Variants in SYNE2 observed in about 807,000 individuals in gnomAD.
SYNE2 encodes the protein spectrin repeat containing nuclear envelope protein 2, also known as nesprin-2.
In SYNE2, 431 loss-of-function variants were observed where a neutral mutation model predicts 856.3. That is an observed-to-expected ratio of 0.50 (90% CI 0.47 to 0.55). SYNE2 has a LOEUF of 0.55. Among genes scored for constraint, SYNE2 ranks in the 20% least tolerant of loss-of-function variants. The probability of loss-of-function intolerance (pLI) is 0.00; values close to 1 mark genes in which losing one functional copy is unlikely to be tolerated. For missense variants in SYNE2, 8,129 were observed against 8,023.2 expected (o/e 1.01, Z -0.50); for synonymous variants, 2,923 against 2,872.3 (o/e 1.02, Z -0.56).
intron 1 of SYNE2, among the ~76,000 whole-genome samples, chr14:63,786,145 G>A (rs534497808): frequency 1.3e-5 from 2 of 152,186 alleles, no homozygotes; most frequent in Admixed American, 6.5e-5. Flanking sequence ...AGCTACTAGG[G>A]AGGCTGAGGC....
chr14:64,077,114 C>T (rs558365229), intron 54 of SYNE2, among the ~76,000 whole-genome samples: 5 of 152,060 alleles, frequency 3.3e-5, no homozygotes, highest in East Asian at 1.9e-4. Flanking sequence ...AGAAAATTTC[C>T]GCTATGACCC....
At chr14:64,030,315 C>G (rs1006036388) in intron 44 of SYNE2, among the ~76,000 whole-genome samples, 4 of 152,180 alleles carry the variant, frequency 2.6e-5, no homozygotes, top group African/African-American at 9.7e-5. Flanking sequence ...CTTGAAAGGC[C>G]TGTATGTTAC....
At chr14:64,189,528 C>G (rs1171801006) in intron 98 of SYNE2, among the ~76,000 whole-genome samples, 1 of 152,188 alleles carries the variant, frequency 6.6e-6, no homozygotes, top group Non-Finnish European at 1.5e-5. Flanking sequence ...CAGTTGTCCT[C>G]AGCTCCCACG....
intron 99 of SYNE2, among the ~76,000 whole-genome samples, chr14:64,195,811 G>C (rs2098538392): frequency 6.6e-6 from 1 of 152,148 alleles, no homozygotes; most frequent in Non-Finnish European, 1.5e-5. Context: ...GACTTGCGTT[G>C]GTCTTAGCAG....
Position 64,025,211 on chromosome 14 carries a change from A to G in SYNE2, c.6042A>G (p.Glu2014=). Residue 2014 remains glutamate (E), a synonymous_variant, in exon 41 of 116, where the codon GAA becomes GAG. Coordinates refer to ENST00000555002, the MANE Select transcript of SYNE2 (RefSeq NM_182914.3). ...CTGAAGAAGAAGAAATAATAATGGA[A>G]GCAACATGTTTGATGGATAGATACC... ...GFTEEEEIIM[E]ATCLMDRYQT... is the part of the protein sequence containing the mutation. The G allele has an allele frequency of 6.2e-7, 1 of 1,614,132 alleles. No individual in the cohort carries two copies. Among genetic ancestry groups the G allele is most frequent in the Non-Finnish European group, 8.5e-7 (1 of 1,179,982 alleles).
At chr14:63,827,625 C>CAAAAAAAAAAAAAAAACAAAAAA (rs1889487947) in intron 1 of SYNE2, among the ~76,000 whole-genome samples, 1 of 28,398 alleles carries the variant, frequency 3.5e-5, no homozygotes, top group Non-Finnish European at 6.3e-5. Context: ...AACTCTGTCT[C>CAAAAAAAAAAAAAAAACAAAAAA]AAAAAAAAAA....
intron 1 of SYNE2, among the ~76,000 whole-genome samples, chr14:63,900,662 G>T (rs1288667725): frequency 1.3e-5 from 2 of 152,172 alleles, no homozygotes; most frequent in African/African-American, 4.8e-5. Flanking sequence ...CATTTGTGTG[G>T]TGTCATTAGA....
intron 65 of SYNE2, among the ~76,000 whole-genome samples, chr14:64,107,914 A>G (rs141478849): frequency 2.4e-3 from 367 of 152,350 alleles, no homozygotes; most frequent in African/African-American, 8.4e-3. Context: ...GGGCAAAGAA[A>G]GTAGAGAAGG....
chr14:63,952,385 C>CCATTACTTTTAATTACTTAAAAGTAATTG (rs1382322989), intron 7 of SYNE2, among the ~76,000 whole-genome samples: 5 of 152,300 alleles, frequency 3.3e-5, no homozygotes, highest in East Asian at 1.9e-4. Context: ...GCAGCTTTTG[C>CCATTACTTTTAATTACTTAAAAGTAATTG]CATTACTTTT....
At position 64,017,701 on chromosome 14, in the gene SYNE2, C is replaced by T. The variant is rs200143024; in HGVS notation, c.4994C>T (p.Ala1665Val). 4.0e-4 allele frequency: 639 copies of T among 1,613,430 alleles called. No individual in the cohort carries two copies. The highest frequency in any genetic ancestry group is 4.8e-4 in the Non-Finnish European group (564 of 1,179,762). ...KNVIDEWTEK[A>V]LQKMELHQLT... ...GTCATTGATGAGTGGACAGAAAAGG[C>T]CCTTCAAAAAATGGAATTACATCAA... Residue 1665 changes from alanine to valine, a missense_variant, in exon 34 of 116, where the codon GCC (alanine) becomes GTC (valine). Ala to Val is a moderately conservative substitution (Grantham distance 64). Around this residue, in one of 3 missense-constraint regions of SYNE2, gnomAD observed 2,422 missense variants for 2,357.4 expected, o/e 1.03. Transcript: ENST00000555002.
At chr14:63,861,635 A>T (rs958971221) in intron 1 of SYNE2, among the ~76,000 whole-genome samples, 1 of 151,926 alleles carries the variant, frequency 6.6e-6, no homozygotes, top group Non-Finnish European at 1.5e-5. Context: ...CAAAAAAAAA[A>T]ATTAGCTGGG....
chr14:63,782,897 T>C (rs1207396954), intron 1 of SYNE2, among the ~76,000 whole-genome samples: 2 of 152,032 alleles, frequency 1.3e-5, no homozygotes, highest in Non-Finnish European at 2.9e-5. Context: ...ATTAATATCC[T>C]CAAATATTAA....
chr14:64,092,578 A>G (rs1359550665), intron 60 of SYNE2, among the ~76,000 whole-genome samples: 1 of 152,208 alleles, frequency 6.6e-6, no homozygotes, highest in African/African-American at 2.4e-5. Context: ...TACAAGGAAG[A>G]ATTTCGTGTT....
At chr14:64,010,279 G>A (rs1883220369) in intron 32 of SYNE2, among the ~76,000 whole-genome samples, 163 bp downstream of exon 32, 1 of 152,138 alleles carries the variant, frequency 6.6e-6, no homozygotes, top group African/African-American at 2.4e-5. Context: ...TTCATCACCA[G>A]GGCTGGAAAA....
intron 2 of SYNE2, among the ~76,000 whole-genome samples, chr14:63,929,421 G>A (rs2095714506): frequency 1.3e-5 from 2 of 152,136 alleles, no homozygotes; most frequent in Admixed American, 6.6e-5. Context: ...AAAGTAAATA[G>A]GATAATATGA....
At chr14:64,028,849 G>C (rs763161834) in intron 43 of SYNE2, among the ~76,000 whole-genome samples, 3 of 151,998 alleles carry the variant, frequency 2.0e-5, no homozygotes, top group Non-Finnish European at 4.4e-5. Flanking sequence ...AAATAATTAC[G>C]AGGCAGGCTG....
At chr14:64,132,924 C>T (rs758376694) in intron 77 of SYNE2, among the ~76,000 whole-genome samples, 32 of 152,070 alleles carry the variant, frequency 2.1e-4, no homozygotes, top group Non-Finnish European at 3.8e-4. Flanking sequence ...GGAAGGAGGC[C>T]GGGCGCAGTG....
chr14:63,808,887 G>A (rs1821279647), intron 1 of SYNE2, among the ~76,000 whole-genome samples: 1 of 152,164 alleles, frequency 6.6e-6, no homozygotes, highest in South Asian at 2.1e-4. Context: ...GCCAGGCATG[G>A]TGGCACATGC....
chr14:63,976,763 A>C (rs553786274), intron 12 of SYNE2, 36 bp downstream of exon 12: 3 of 1,597,886 alleles, frequency 1.9e-6, no homozygotes, highest in Admixed American at 3.3e-5. Context: ...AGGAAAATAC[A>C]TATTTTGTTA....
Sources: gnomAD v4.1 joint callset for allele counts (sites outside exome capture counted in the v4.1 genomes callset) on GRCh38, gnomAD v4.1.1 for gene constraint, gnomAD v4.1.1 regional missense constraint, MANE v1.5 for transcripts, NCBI Gene and HGNC (gene_info 2026-07-23, HGNC 2026-07-21) for gene names.